The following SF3B1 variants were observed in gnomAD, a reference collection of about 807,000 sequenced individuals.
SF3B1 encodes pre-mRNA processing 10.
SF3B1 carries 12 observed loss-of-function variants against 153.8 expected under a neutral mutation model. That is an observed-to-expected ratio of 0.08 (90% CI 0.05 to 0.13). SF3B1 has a LOEUF of 0.13. Among genes scored for constraint, SF3B1 ranks in the 10% least tolerant of loss-of-function variants. The pLI is 1.00. For synonymous variants in SF3B1, 498 were observed against 525.2 expected, an observed-to-expected ratio of 0.95 and a Z score of 0.71; for missense variants, 513 against 1,606.1, an observed-to-expected ratio of 0.32 and a Z score of 11.63.
At chr2:197,429,700 C>T (rs2085395857) in intron 1 of SF3B1, among the ~76,000 whole-genome samples, 1 of 151,796 alleles carries the variant, frequency 6.6e-6, no homozygotes, top group African/African-American at 2.4e-5. Context: ...AGAAGTATCG[C>T]TTGAACCCGG....
chr2:197,418,222 T>A (rs1465189949), intron 5 of SF3B1, among the ~76,000 whole-genome samples: 2 of 52,094 alleles, frequency 3.8e-5, no homozygotes, highest in Admixed American at 3.2e-4. Context: ...GATGACAGAG[T>A]GAGACTGTGT....
At chr2:197,415,340 C>A (rs13003547) in intron 6 of SF3B1, among the ~76,000 whole-genome samples, 2,975 of 152,034 alleles carry the variant, frequency 0.02, 51 homozygotes, top group Non-Finnish European at 0.029. Context: ...ACAACCTCCA[C>A]CTCCCAGGTT....
At chr2:197,413,786 T>A (rs1414280184) in intron 6 of SF3B1, among the ~76,000 whole-genome samples, 1 of 151,896 alleles carries the variant, frequency 6.6e-6, no homozygotes, top group Admixed American at 6.6e-5. Flanking sequence ...TAAATGTTTT[T>A]TTGTTATTGT....
Position 197,401,249 on chromosome 2 carries a change from C to A in SF3B1, c.2496+151G>T. On this transcript the variant is annotated intron_variant, in intron 17 of 24. Transcript: ENST00000335508. The surrounding 1 kb of genome is among the most constrained non-coding windows in gnomAD (Gnocchi z 4.2). The stretch of plus-strand genomic sequence containing the variant: ...AATCCAAAATCAAAATGGAAGTTAA[C>A]TGGCTGACTAAAATCCATCTCCTTT... 3 of 750,380 alleles carry A rather than the reference C, an allele frequency of 4.0e-6. No homozygotes were observed. Among genetic ancestry groups the A allele is most frequent in the Non-Finnish European group, 6.6e-6 (3 of 456,942 alleles). The allele number at this position is 750,380 out of a possible 1,614,324, so 46.5% of individuals were successfully genotyped here.
At chr2:197,417,888 T>G (rs1028584082) in intron 5 of SF3B1, among the ~76,000 whole-genome samples, 2 of 152,058 alleles carry the variant, frequency 1.3e-5, no homozygotes, top group Non-Finnish European at 2.9e-5. Flanking sequence ...ACTCTGACTT[T>G]TCCCTAACAT....
chr2:197,414,200 T>C (rs1347453031), intron 6 of SF3B1, among the ~76,000 whole-genome samples: 2 of 152,178 alleles, frequency 1.3e-5, no homozygotes, highest in East Asian at 3.8e-4. Context: ...TAATTTTCTT[T>C]TAGAAATACT....
At chr2:197,419,023 A>T in intron 4 of SF3B1, 1 of 1,237,190 alleles carries the variant, frequency 8.1e-7, no homozygotes, top group Non-Finnish European at 1.2e-6. Flanking sequence ...ACCTGTTGCA[A>T]GCTGTTAAAA....
chr2:197,418,454 A>G, intron 5 of SF3B1, 55 bp downstream of exon 5: 1 of 1,318,206 alleles, frequency 7.6e-7, no homozygotes, highest in East Asian at 2.4e-5. Flanking sequence ...TCTCTCAATC[A>G]CAACTGTATT....
At chr2:197,411,731 T>C (rs2085071525) in intron 6 of SF3B1, among the ~76,000 whole-genome samples, 1 of 151,754 alleles carries the variant, frequency 6.6e-6, no homozygotes, top group South Asian at 2.1e-4. Flanking sequence ...AAGGACTTCA[T>C]CTACCTTTAT....
intron 2 of SF3B1, 104 bp downstream of exon 2, chr2:197,423,704 A>G: frequency 1.8e-6 from 2 of 1,137,622 alleles, no homozygotes. Context: ...AAAAGATCCC[A>G]AAAATGTTTC....
intron 1 of SF3B1, among the ~76,000 whole-genome samples, chr2:197,426,672 C>G (rs538994062): frequency 6.6e-6 from 1 of 152,112 alleles, no homozygotes; most frequent in East Asian, 1.9e-4. Context: ...AAAGGTAGAA[C>G]CTTAGGTCTT....
chr2:197,428,579 C>G (rs1442271343), intron 1 of SF3B1, among the ~76,000 whole-genome samples: 1 of 152,102 alleles, frequency 6.6e-6, no homozygotes, highest in Non-Finnish European at 1.5e-5. Flanking sequence ...TTTCTGACAA[C>G]AAATGATCAA....
intron 1 of SF3B1, among the ~76,000 whole-genome samples, chr2:197,430,865 T>C (rs1415757618): frequency 1.3e-5 from 2 of 152,136 alleles, no homozygotes; most frequent in African/African-American, 2.4e-5. Context: ...CGCCAGCCGC[T>C]CTCTACTTTT....
chr2:197,421,113 T>C lies in SF3B1; in HGVS notation c.216A>G (p.Ser72=), dbSNP rs762983053. The change falls in exon 3 of 25, where the codon TCA becomes TCG. Residue 72 remains serine, a synonymous_variant. Transcript: ENST00000335508. ...ELEDDDDDYS[S]STSLLGQKKP... Reference sequence around the variant, plus strand: ...TCTTCTGACCAAGCAAACTCGTAGATGATGAATAGTCATCGTCATCCTGCA... The same window carrying C: ...TCTTCTGACCAAGCAAACTCGTAGACGATGAATAGTCATCGTCATCCTGCA... 1.2e-6 allele frequency: 2 copies of C among 1,612,822 alleles called. No individual in the cohort carries two copies. The highest frequency in any genetic ancestry group is 4.5e-5 in the East Asian group (2 of 44,818).
At chr2:197,414,590 A>T (rs1332336084) in intron 6 of SF3B1, among the ~76,000 whole-genome samples, 1 of 152,238 alleles carries the variant, frequency 6.6e-6, no homozygotes, top group African/African-American at 2.4e-5. Context: ...TACACTTTTT[A>T]AATTTATCAA....
chr2:197,411,436 G>A (rs933206356), intron 6 of SF3B1, among the ~76,000 whole-genome samples: 1 of 151,906 alleles, frequency 6.6e-6, no homozygotes, highest in African/African-American at 2.4e-5. Context: ...CACTTTGAGA[G>A]GCCGAGGCGG....
In SF3B1 at chr2:197,400,671, AAAT is replaced by A. The variant is rs774382483; in HGVS notation, c.2718+41_2718+43del. ...CTTGACAACTAATATGCTTTTCTAC[AAAT>A]ATTAAAGTTAGTAGCAATGTGCCAT... On this transcript the variant is annotated intron_variant, in intron 18 of 24. Transcript: ENST00000335508. The surrounding 1 kb of genome is among the most constrained non-coding windows in gnomAD (Gnocchi z 5.0). 4 of 1,398,720 alleles carry A rather than the reference AAAT, an allele frequency of 2.9e-6. No individual in the cohort carries two copies. In the African/African-American group the frequency reaches 5.8e-5, roughly 20 times the overall value. The allele number at this position is 1,398,720 out of a possible 1,614,324, so 86.6% of individuals were successfully genotyped here. A position where few individuals can be genotyped will look rare whatever the true frequency, so the allele number is the denominator to read the frequency against.
chr2:197,418,193 G>A (rs150472564), intron 5 of SF3B1, among the ~76,000 whole-genome samples: 65 of 120,076 alleles, frequency 5.4e-4, no homozygotes, highest in African/African-American at 1.7e-3. Context: ...ATGAGATCAC[G>A]CCACTGCACT....
At chr2:197,396,557 T>C (rs774884638) in intron 22 of SF3B1, among the ~76,000 whole-genome samples, 9 of 152,196 alleles carry the variant, frequency 5.9e-5, no homozygotes, top group Non-Finnish European at 1.0e-4. Flanking sequence ...TCAGAGGTCA[T>C]AGCTGTACAA....
Sources: gnomAD v4.1 joint callset for allele counts (sites outside exome capture counted in the v4.1 genomes callset) on GRCh38, gnomAD v4.1.1 for gene constraint, Gnocchi (gnomAD v3.1) non-coding constraint, MANE v1.5 for transcripts, NCBI Gene and HGNC (gene_info 2026-07-23, HGNC 2026-07-21) for gene names.